The following DNAJC13 variants were observed in gnomAD, a reference collection of about 807,000 sequenced individuals.
The protein encoded by DNAJC13 is dnaJ homolog subfamily C member 13.
Under a neutral mutation model 290.5 loss-of-function variants are expected in DNAJC13, and 75 were observed. The ratio of observed to expected loss-of-function variants is 0.26; its 90% CI spans 0.21 to 0.31. The LOEUF (loss-of-function observed/expected upper bound fraction) is 0.31. Among genes scored for constraint, DNAJC13 ranks in the 10% least tolerant of loss-of-function variants. DNAJC13 has a pLI of 1.00. For missense variants in DNAJC13, 2,260 were observed against 2,674.5 expected (o/e 0.85, Z 3.42); for synonymous variants, 862 against 892.0 (o/e 0.97, Z 0.60).
chr3:132,471,691 G>A (rs1306579289), intron 20 of DNAJC13, among the ~76,000 whole-genome samples: 8 of 120,816 alleles, frequency 6.6e-5, no homozygotes, highest in African/African-American at 1.9e-4. Context: ...ATGTGATGGC[G>A]GCTGGGAAGA....
At chr3:132,456,170 T>C in intron 9 of DNAJC13, 65 bp from the exon 10 acceptor site, 1 of 1,491,362 alleles carries the variant, frequency 6.7e-7, no homozygotes, top group Non-Finnish European at 9.2e-7. Context: ...CTATGCTTCA[T>C]GCTAGATCAA....
chr3:132,422,573 ACTT>A (rs976180652), intron 1 of DNAJC13, among the ~76,000 whole-genome samples: 2 of 152,064 alleles, frequency 1.3e-5, no homozygotes, highest in Admixed American at 6.5e-5. Context: ...AATTTATAAC[ACTT>A]CTTGTTATGT....
chr3:132,472,068 A>C (rs1313510482), intron 20 of DNAJC13, among the ~76,000 whole-genome samples: 1 of 150,350 alleles, frequency 6.7e-6, no homozygotes, highest in East Asian at 2.0e-4. Flanking sequence ...AACACAGCGA[A>C]ACCCCGTCTC....
chr3:132,462,424 A>C, intron 15 of DNAJC13, 43 bp from the exon 16 acceptor site: 1 of 1,573,104 alleles, frequency 6.4e-7, no homozygotes, highest in Non-Finnish European at 8.7e-7. Context: ...TTGGAATAAA[A>C]TTCTTTTTTA....
At chr3:132,482,457 C>A in intron 27 of DNAJC13, 127 bp downstream of exon 27, 1 of 617,022 alleles carries the variant, frequency 1.6e-6, no homozygotes. Context: ...TCCAAGGGCC[C>A]TGCAACTCAG....
At chr3:132,461,337 A>G (rs1933788169) in intron 15 of DNAJC13, 132 bp downstream of exon 15, 2 of 902,138 alleles carry the variant, frequency 2.2e-6, no homozygotes, top group Non-Finnish European at 3.5e-6. Context: ...CCTGGGCCAC[A>G]CTGAAAGAAG....
In DNAJC13 at chr3:132,492,624, G is replaced by A; in HGVS notation, c.3825+9G>A. ...GGCCAATTAAAGACCCGGTAAGTCA[G>A]CAGTTTAATTTGTGCCACCTTAAGC... On this transcript the variant is annotated intron_variant, in intron 33 of 55. Transcript: ENST00000260818. 6.2e-7 allele frequency: 1 copy of A among 1,612,536 alleles called. No individual in the cohort carries two copies.
chr3:132,527,474 T>G (rs987492988), intron 53 of DNAJC13, among the ~76,000 whole-genome samples: 1 of 152,196 alleles, frequency 6.6e-6, no homozygotes, highest in African/African-American at 2.4e-5. Flanking sequence ...TTCAGACTTA[T>G]GATTGGCTTG....
chr3:132,495,353 G>A (rs1407115732), intron 35 of DNAJC13, among the ~76,000 whole-genome samples, 187 bp downstream of exon 35: 1 of 152,104 alleles, frequency 6.6e-6, no homozygotes, highest in Non-Finnish European at 1.5e-5. Flanking sequence ...TTTACCAGAC[G>A]AGTGGCCTTT....
At chr3:132,510,976 A>G (rs1935759980) in intron 43 of DNAJC13, 91 bp from the exon 44 acceptor site, 2 of 1,382,640 alleles carry the variant, frequency 1.4e-6, no homozygotes, top group South Asian at 2.7e-5. Flanking sequence ...ATCATGTTTT[A>G]TTCACTTTCA....
At position 132,483,432 on chromosome 3, in the gene DNAJC13, G is replaced by T; in HGVS notation, c.3037G>T (p.Gly1013Cys). Residue 1013 changes from glycine (G) to cysteine (C), a missense_variant, in exon 28 of 56, where the codon GGC becomes TGC. Physicochemically the swap from Gly to Cys is radical, Grantham distance 159 (BLOSUM62 -3). Around this residue, in one of 3 missense-constraint regions of DNAJC13, gnomAD observed 1,494 missense variants for 1,693.7 expected, o/e 0.88. Coordinates refer to ENST00000260818, the MANE Select transcript of DNAJC13 (RefSeq NM_015268.4). ...LNAKTRCWAQ[G>C]MDGWRPLQSI... Reference sequence around the variant, plus strand: ...TGCAAAAACCAGATGCTGGGCTCAAGGCATGGATGGATGGCGACCACTTCA... The same window carrying T: ...TGCAAAAACCAGATGCTGGGCTCAATGCATGGATGGATGGCGACCACTTCA... 6.2e-7 allele frequency: 1 copy of T among 1,614,120 alleles called. No homozygotes were observed. Among genetic ancestry groups the T allele is most frequent in the Non-Finnish European group, 8.5e-7 (1 of 1,180,020 alleles).
At chr3:132,421,210 G>A (rs995066780) in intron 1 of DNAJC13, among the ~76,000 whole-genome samples, 1 of 152,204 alleles carries the variant, frequency 6.6e-6, no homozygotes, top group African/African-American at 2.4e-5. Flanking sequence ...ATTCCTGCAT[G>A]ACTCAGTTGG....
rs1308174898 is a variant in DNAJC13, at chr3:132,427,304, T to G, written c.-13-7234T>G. On this transcript the variant is annotated intron_variant, in intron 1 of 55. Transcript: ENST00000260818. Reference sequence around the variant, plus strand: ...GCCTGTGCCATGACACCCAGCTAATTTTTTGTATTTTTAGTAGAGACAGGG... The same window carrying G: ...GCCTGTGCCATGACACCCAGCTAATGTTTTGTATTTTTAGTAGAGACAGGG... Among the ~76,000 whole-genome samples the G allele has an allele frequency of 3.3e-5, 5 of 151,830 alleles. No homozygotes were observed. In the East Asian group the frequency reaches 9.7e-4, roughly 30 times the overall value.
Position 132,499,115 on chromosome 3 carries a change from G to T in DNAJC13, c.4157-11G>T. ...TTTTGTTTTTCTAACACTAACCATT[G>T]GTTATTTCAGATTTACAGCCTTATA... On this transcript the variant is annotated splice_polypyrimidine_tract_variant and intron_variant, in intron 36 of 55. Coordinates refer to ENST00000260818, the MANE Select transcript of DNAJC13 (RefSeq NM_015268.4). 2 of 1,564,552 alleles carry T rather than the reference G, an allele frequency of 1.3e-6. No individual in the cohort carries two copies. Among genetic ancestry groups the T allele is most frequent in the Non-Finnish European group, 1.7e-6 (2 of 1,149,802 alleles).
At chr3:132,460,444 T>C (rs1933751868) in intron 14 of DNAJC13, 87 bp downstream of exon 14, 1 of 919,210 alleles carries the variant, frequency 1.1e-6, no homozygotes, top group African/African-American at 1.7e-5. Flanking sequence ...TGATTTTTTT[T>C]TTTTTTATTG....
chr3:132,423,776 G>A (rs1256741738), intron 1 of DNAJC13, among the ~76,000 whole-genome samples: 1 of 152,136 alleles, frequency 6.6e-6, no homozygotes, highest in Non-Finnish European at 1.5e-5. Context: ...ACAGTGTTTG[G>A]GTTTTCAGGA....
chr3:132,507,563 C>A (rs1310561462), intron 43 of DNAJC13, among the ~76,000 whole-genome samples: 1 of 151,976 alleles, frequency 6.6e-6, no homozygotes, highest in African/African-American at 2.4e-5. Context: ...GTGTTCACTT[C>A]ATGTCTCTGT....
At chr3:132,514,228 G>A (rs1051142965) in intron 45 of DNAJC13, among the ~76,000 whole-genome samples, 1 of 152,090 alleles carries the variant, frequency 6.6e-6, no homozygotes. Context: ...GCAGGGTACT[G>A]AAGACATTTG....
chr3:132,434,424 T>C, intron 1 of DNAJC13, 114 bp from the exon 2 acceptor site: 1 of 655,206 alleles, frequency 1.5e-6, no homozygotes, highest in Non-Finnish European at 2.6e-6. Context: ...TTGTAAAGGA[T>C]ATACGGCAGG....
Sources: allele counts gnomAD v4.1 joint callset (sites outside exome capture counted in the v4.1 genomes callset), GRCh38; gene constraint gnomAD v4.1.1; regional missense constraint gnomAD v4.1.1; transcripts MANE v1.5; gene names NCBI Gene and HGNC (gene_info 2026-07-23, HGNC 2026-07-21).